The following AMMECR1 variants were observed in gnomAD, a reference collection of about 807,000 sequenced individuals.
The protein encoded by AMMECR1 is AMMECR nuclear protein 1, also known as nuclear protein AMMECR1.
AMMECR1 carries 3 observed loss-of-function variants against 22.5 expected under a neutral mutation model. The observed-to-expected ratio is 0.13, with a 90% CI of 0.06 to 0.35. The LOEUF is 0.35. Ranked by LOEUF, AMMECR1 falls within the 10% of genes least tolerant of loss-of-function variation. The pLI, the probability that AMMECR1 is intolerant of heterozygous loss-of-function variation, is 1.00. For missense variants in AMMECR1, 235 were observed against 278.7 expected (o/e 0.84, Z 1.12); for synonymous variants, 130 against 116.7 (o/e 1.11, Z -0.74).
At position 110,197,389 on chromosome X, in the gene AMMECR1, G is replaced by A. The variant is rs1422164530; in HGVS notation, c.*1131C>T. 9.0e-6 allele frequency: 1 copy of A among 111,692 alleles called. No homozygotes were observed. Among genetic ancestry groups the A allele is most frequent in the Non-Finnish European group, 1.9e-5 (1 of 53,014 alleles). 9.2% of individuals were successfully genotyped at this position (111,692 alleles called of 1,213,427 possible). A position where few individuals can be genotyped will look rare whatever the true frequency, so the allele number is the denominator to read the frequency against. ...ATTATCTTTACCATATCTTTAGATG[G>A]TAGCTAAAATGGATTCTAGCCAATC... On this transcript the variant is annotated 3_prime_UTR_variant, in exon 6 of 6. Coordinates refer to ENST00000262844, the MANE Select transcript of AMMECR1 (RefSeq NM_015365.3).
In AMMECR1 at chrX:110,308,601, T is replaced by C. The variant is rs147630034; in HGVS notation, c.473+8998A>G. 1.4e-3 allele frequency among the ~76,000 whole-genome samples: 153 copies of C among 111,161 alleles called. 1 individual carries two copies. Among genetic ancestry groups the C allele is most frequent in the African/African-American group, 4.9e-3 (150 of 30,583 alleles). ...TTTTGAATGGACAAGTAGAAGAGTG[T>C]GGGGGTAGATGGATCTGTGAACTCA... is the stretch of plus-strand genomic sequence containing the variant. On this transcript the variant is annotated intron_variant, in intron 1 of 5. Coordinates refer to ENST00000262844, the MANE Select transcript of AMMECR1 (RefSeq NM_015365.3).
intron 2 of AMMECR1, among the ~76,000 whole-genome samples, chrX:110,253,275 G>A (rs1273585645): frequency 8.9e-6 from 1 of 112,808 alleles, no homozygotes; most frequent in East Asian, 2.8e-4. Context: ...GAGAAAGGTA[G>A]ACACAGGAAA....
At chrX:110,270,493 GA>G (rs966100016) in intron 1 of AMMECR1, among the ~76,000 whole-genome samples, 15 of 108,328 alleles carry the variant, frequency 1.4e-4, no homozygotes, top group African/African-American at 5.0e-4. Flanking sequence ...CCCACTACAG[GA>G]AAAAAAAATG....
At chrX:110,291,978 T>C (rs1347164826) in intron 1 of AMMECR1, among the ~76,000 whole-genome samples, 1 of 112,011 alleles carries the variant, frequency 8.9e-6, no homozygotes, top group African/African-American at 3.2e-5. Flanking sequence ...ATGGAATGTC[T>C]TGTAGGCATT....
At chrX:110,388,977 T>G (rs2068476646) in intron 2 of AMMECR1, among the ~76,000 whole-genome samples, 1 of 112,375 alleles carries the variant, frequency 8.9e-6, no homozygotes, top group South Asian at 3.7e-4. Flanking sequence ...GTCCAAAGAA[T>G]AAGTATATTT....
At chrX:110,377,772 G>T (rs1165607981) in intron 2 of AMMECR1, among the ~76,000 whole-genome samples, 1 of 110,334 alleles carries the variant, frequency 9.1e-6, no homozygotes, top group Non-Finnish European at 1.9e-5. Flanking sequence ...CACTTTGGGA[G>T]GCCGAGGCGG....
intron 2 of AMMECR1, among the ~76,000 whole-genome samples, chrX:110,340,754 A>C (rs1299964400): frequency 8.9e-6 from 1 of 112,645 alleles, no homozygotes; most frequent in Non-Finnish European, 1.9e-5. Flanking sequence ...AAATAATTCA[A>C]TGGAGATTTT....
chrX:110,269,140 C>T (rs1303705792), intron 1 of AMMECR1, among the ~76,000 whole-genome samples: 1 of 111,808 alleles, frequency 8.9e-6, no homozygotes, highest in Non-Finnish European at 1.9e-5. Flanking sequence ...GTCAGGTCAA[C>T]AGTAGCTCTA....
intron 1 of AMMECR1, among the ~76,000 whole-genome samples, chrX:110,265,078 C>T (rs1434110192): frequency 8.9e-6 from 1 of 111,732 alleles, no homozygotes; most frequent in Non-Finnish European, 1.9e-5. Flanking sequence ...TTCATAAATA[C>T]TTCCTGAAAA....
Position 110,235,874 on chromosome X carries a change from G to T in AMMECR1, c.585-19242C>A, listed in dbSNP as rs2067597976. Among the ~76,000 whole-genome samples the T allele has an allele frequency of 3.6e-5, 4 of 111,264 alleles. No homozygotes were observed. The South Asian group carries it at 1.5e-3, about 42-fold the overall frequency. On this transcript the variant is annotated intron_variant, in intron 2 of 5. Transcript: ENST00000262844. ...AAATACCTAATGCAAATGATGAGTT[G>T]ATGGTGCAGCAAACCAACATGGCAC... is the stretch of plus-strand genomic sequence containing the variant.
At chrX:110,306,048 G>C (rs1002733492) in intron 1 of AMMECR1, among the ~76,000 whole-genome samples, 1 of 110,721 alleles carries the variant, frequency 9.0e-6, no homozygotes, top group South Asian at 3.8e-4. Flanking sequence ...TTGGGAGGCC[G>C]AGGCAGGCGG....
chrX:110,198,986 TC>T (rs1050081601), intron 5 of AMMECR1, among the ~76,000 whole-genome samples: 6 of 111,970 alleles, frequency 5.4e-5, no homozygotes, highest in African/African-American at 2.0e-4. Context: ...CTTTTACTGT[TC>T]CTTTCTCTGT....
At chrX:110,214,649 T>TG (rs2067464253) in intron 3 of AMMECR1, among the ~76,000 whole-genome samples, 2 of 112,068 alleles carry the variant, frequency 1.8e-5, no homozygotes, top group South Asian at 7.5e-4. Context: ...TCTCCCCTTT[T>TG]TCCTTCCCCC....
At chrX:110,423,885 A>G (rs1160125100) in intron 2 of AMMECR1, among the ~76,000 whole-genome samples, 1 of 112,221 alleles carries the variant, frequency 8.9e-6, no homozygotes, top group African/African-American at 3.2e-5. Flanking sequence ...CTTATTTGGA[A>G]TTGTCTCTTC....
intron 1 of AMMECR1, among the ~76,000 whole-genome samples, chrX:110,280,776 T>C (rs1441795781): frequency 8.9e-6 from 1 of 112,050 alleles, no homozygotes; most frequent in Non-Finnish European, 1.9e-5. Flanking sequence ...TTCAACTGAA[T>C]TGCATAAACA....
intron 2 of AMMECR1, among the ~76,000 whole-genome samples, chrX:110,250,613 T>C (rs987054109): frequency 3.6e-5 from 4 of 112,273 alleles, no homozygotes; most frequent in Non-Finnish European, 7.5e-5. Context: ...AAGTGCTAAT[T>C]GCAGGCAATC....
chrX:110,351,329 T>C (rs1405763055), intron 2 of AMMECR1, among the ~76,000 whole-genome samples: 3 of 111,951 alleles, frequency 2.7e-5, no homozygotes, highest in African/African-American at 9.7e-5. Flanking sequence ...GGATGCACAC[T>C]TCCCAATTTC....
At chrX:110,279,088 A>G (rs1304640410) in intron 1 of AMMECR1, among the ~76,000 whole-genome samples, 1 of 112,245 alleles carries the variant, frequency 8.9e-6, no homozygotes, top group African/African-American at 3.2e-5. Context: ...GGCATTAAAT[A>G]CTAACCAAAT....
intron 2 of AMMECR1, among the ~76,000 whole-genome samples, chrX:110,379,892 T>C (rs779344809): frequency 3.6e-5 from 4 of 112,091 alleles, no homozygotes; most frequent in Non-Finnish European, 7.5e-5. Context: ...TGTGTAGATG[T>C]ATCTATATAT....
Sources: gnomAD v4.1 joint callset for allele counts (sites outside exome capture counted in the v4.1 genomes callset) on GRCh38, gnomAD v4.1.1 for gene constraint, MANE v1.5 for transcripts, NCBI Gene and HGNC (gene_info 2026-07-23, HGNC 2026-07-21) for gene names.